STAG2: variants seen among roughly 807,000 people sequenced by gnomAD.
The protein encoded by STAG2 is cohesin subunit SA-2.
A neutral mutation model predicts 108.1 loss-of-function variants in STAG2; 14 were observed. The observed-to-expected ratio is 0.13, with a 90% confidence interval of 0.09 to 0.20. The LOEUF (loss-of-function observed/expected upper bound fraction) is 0.20, where lower values mean the gene tolerates loss of function less well. Among genes scored for constraint, STAG2 ranks in the 10% least tolerant of loss-of-function variants. STAG2 has a pLI of 1.00. For missense variants in STAG2, 440 were observed against 940.9 expected, an observed-to-expected ratio of 0.47 and a Z score of 6.96; for synonymous variants, 307 against 302.7, an observed-to-expected ratio of 1.01 and a Z score of -0.15.
chrX:124,100,107 A>AT (rs1256238798), intron 34 of STAG2, among the ~76,000 whole-genome samples: 10 of 111,205 alleles, frequency 9.0e-5, no homozygotes, highest in Non-Finnish European at 1.9e-4. Context: ...TTGTTCTTAG[A>AT]TTTTTTTTGG....
chrX:124,004,078 C>T (rs1304645555), intron 1 of STAG2, among the ~76,000 whole-genome samples: 1 of 111,971 alleles, frequency 8.9e-6, no homozygotes, highest in Non-Finnish European at 1.9e-5. Context: ...GCAGCCGTCA[C>T]CACCATCCAT....
chrX:124,014,966 T>G lies in STAG2; in HGVS notation c.-162-6401T>G, dbSNP rs184444804. On this transcript the variant is annotated intron_variant, in intron 1 of 34. Transcript: ENST00000371145. Reference sequence around the variant, plus strand: ...TGAGTACACATGATCATTGCTTAGTTTGACGTACTTTTCTTTTTTTTTTTT... The same window carrying G: ...TGAGTACACATGATCATTGCTTAGTGTGACGTACTTTTCTTTTTTTTTTTT... 3.2e-3 allele frequency among the ~76,000 whole-genome samples: 336 copies of G among 104,724 alleles called. 1 individual carries two copies. The highest frequency in any genetic ancestry group is 0.011 in the African/African-American group (310 of 29,024). 90.9% of individuals were successfully genotyped at this position (104,724 alleles called of 115,157 possible). A position where few individuals can be genotyped will look rare whatever the true frequency, so the allele number is the denominator to read the frequency against.
rs751411598 is a variant in STAG2, at chrX:124,048,988, G to A, written c.820-17G>A. 1 of 1,157,609 alleles carries A rather than the reference G, an allele frequency of 8.6e-7. No homozygotes were observed. On this transcript the variant is annotated splice_polypyrimidine_tract_variant and intron_variant, in intron 9 of 34. Transcript: ENST00000371145. ...TCTTCCTTTACAATTGAAAAGAAAT[G>A]ATGTGTTTTTTTACAGCTTCAGGAA... is the stretch of plus-strand genomic sequence containing the variant.
intron 8 of STAG2, 113 bp downstream of exon 8, chrX:124,045,481 A>T (rs2057844324): frequency 3.0e-6 from 2 of 661,892 alleles, no homozygotes; most frequent in Non-Finnish European, 4.5e-6. Flanking sequence ...TTATAAAGTG[A>T]CCACTAAGAG....
At chrX:124,022,860 T>C (rs2056976811) in intron 3 of STAG2, among the ~76,000 whole-genome samples, 189 bp downstream of exon 3, 1 of 112,342 alleles carries the variant, frequency 8.9e-6, no homozygotes, top group South Asian at 3.6e-4. Context: ...ACTTTTTTGT[T>C]GTTGTGTTTT....
chrX:123,969,274 A>G (rs2054242516), intron 1 of STAG2, among the ~76,000 whole-genome samples: 1 of 111,166 alleles, frequency 9.0e-6, no homozygotes, highest in Admixed American at 9.6e-5. Context: ...GATACATGAA[A>G]TGGTTTCATA....
rs1348872788 is a variant in STAG2, at chrX:124,084,409, C to T, written c.3053+860C>T. On this transcript the variant is annotated intron_variant, in intron 29 of 34. Coordinates refer to ENST00000371145, the MANE Select transcript of STAG2 (RefSeq NM_001042750.2). ...TCTCGGCCCACTGCAAACTCTGCCTCCTGGGTTCAAGTGATTCTCCTGCCT... is the reference window on the plus strand; with the variant it reads ...TCTCGGCCCACTGCAAACTCTGCCTTCTGGGTTCAAGTGATTCTCCTGCCT... Among the ~76,000 whole-genome samples, 4 of 108,733 alleles carry T rather than the reference C, an allele frequency of 3.7e-5. No individual in the cohort carries two copies. In the Admixed American group the frequency reaches 4.0e-4, roughly 11 times the overall value. 94.4% of individuals were successfully genotyped at this position (108,733 alleles called of 115,157 possible). A position where few individuals can be genotyped will look rare whatever the true frequency, so the allele number is the denominator to read the frequency against.
chrX:124,079,970 T>A (rs982570242), intron 27 of STAG2, among the ~76,000 whole-genome samples: 1 of 111,304 alleles, frequency 9.0e-6, no homozygotes, highest in Non-Finnish European at 1.9e-5. Flanking sequence ...TCATTTATTT[T>A]TTTTTCTAGA....
chrX:124,036,182 C>G (rs1298474795), intron 5 of STAG2, among the ~76,000 whole-genome samples: 1 of 111,812 alleles, frequency 8.9e-6, no homozygotes, highest in East Asian at 2.8e-4. Flanking sequence ...CTTGATTTAT[C>G]TTTATTGTGT....
intron 28 of STAG2, among the ~76,000 whole-genome samples, chrX:124,082,212 A>C (rs1254513170): frequency 9.0e-6 from 1 of 111,359 alleles, no homozygotes; most frequent in Admixed American, 9.5e-5. Flanking sequence ...CTGCACTCTT[A>C]CTTTGTAGTG....
chrX:124,005,609 G>A (rs930267963), intron 1 of STAG2, among the ~76,000 whole-genome samples: 1 of 111,817 alleles, frequency 8.9e-6, no homozygotes, highest in Non-Finnish European at 1.9e-5. Context: ...TTTGCATTTA[G>A]CATAGTTTCC....
chrX:124,061,514 C>G (rs2058375743), intron 16 of STAG2, among the ~76,000 whole-genome samples, 173 bp downstream of exon 16: 1 of 111,177 alleles, frequency 9.0e-6, no homozygotes, highest in Admixed American at 9.7e-5. Flanking sequence ...TAATTGCTGT[C>G]AACATTCTTT....
intron 1 of STAG2, among the ~76,000 whole-genome samples, chrX:124,007,255 G>A (rs2056338123): frequency 9.2e-6 from 1 of 108,958 alleles, no homozygotes; most frequent in African/African-American, 3.3e-5. Flanking sequence ...GGCCTCAAGC[G>A]ATCCCCCCAC....
chrX:124,022,599 AT>A lies in STAG2; in HGVS notation c.-27del. ...GTAAATATATGAATATATTTCTGAC[AT>A]TGAGGTGTTCCAGAAGATGATAAAG... On this transcript the variant is annotated 5_prime_UTR_variant, in exon 3 of 35. In the 5' UTR this introduces an upstream ATG that the reference lacks. Transcript: ENST00000371145. The A allele has an allele frequency of 8.7e-7, 1 of 1,153,724 alleles. No homozygotes were observed. The highest frequency in any genetic ancestry group is 2.7e-5 in the Admixed American group (1 of 36,973).
intron 1 of STAG2, among the ~76,000 whole-genome samples, chrX:123,968,135 G>T (rs758598993): frequency 1.8e-5 from 2 of 111,355 alleles, no homozygotes; most frequent in East Asian, 5.7e-4. Context: ...GCCTGACCTC[G>T]TGATCCGCCT....
At position 124,075,996 on chromosome X, in the gene STAG2, G is replaced by A. The variant is rs745348561; in HGVS notation, c.2534-336G>A. ...TCTGAGGTTGGCAGTGTTCAGGAAC[G>A]TAGGAGCCTTAACTAACAGACTTTG... On this transcript the variant is annotated intron_variant, in intron 25 of 34. Coordinates refer to ENST00000371145, the MANE Select transcript of STAG2 (RefSeq NM_001042750.2). Among the ~76,000 whole-genome samples, 77 of 111,510 alleles carry A rather than the reference G, an allele frequency of 6.9e-4. 1 individual carries two copies. Among genetic ancestry groups the A allele is most frequent in the Admixed American group, 4.6e-3 (48 of 10,467 alleles).
At chrX:124,015,025 C>T (rs1362462850) in intron 1 of STAG2, among the ~76,000 whole-genome samples, 6 of 71,249 alleles carry the variant, frequency 8.4e-5, no homozygotes, top group Admixed American at 2.4e-4. Context: ...CTCACTCTGT[C>T]GCCCAGGCTG....
chrX:123,965,585 CCA>C (rs1334033701), intron 1 of STAG2, among the ~76,000 whole-genome samples: 1 of 111,504 alleles, frequency 9.0e-6, no homozygotes, highest in Admixed American at 9.6e-5. Context: ...CTGATACCAC[CCA>C]CAGTCATATG....
chrX:124,095,342 A>G, intron 33 of STAG2, 30 bp from the exon 34 acceptor site: 1 of 1,142,993 alleles, frequency 8.7e-7, no homozygotes, highest in East Asian at 3.0e-5. Flanking sequence ...TAGCTAAACT[A>G]ATGTCAACTT....
Sources: gnomAD v4.1 joint callset for allele counts (sites outside exome capture counted in the v4.1 genomes callset) on GRCh38, gnomAD v4.1.1 for gene constraint, MANE v1.5 for transcripts, NCBI Gene and HGNC (gene_info 2026-07-23, HGNC 2026-07-21) for gene names.